Variants in PYROXD1 observed in about 807,000 individuals in gnomAD.
The protein encoded by PYROXD1 is pyridine nucleotide-disulphide oxidoreductase domain 1.
A neutral mutation model predicts 62.0 loss-of-function variants in PYROXD1; 42 were observed. The observed-to-expected ratio is 0.68, with a 90% confidence interval of 0.53 to 0.88. The LOEUF is 0.88. Ranked by LOEUF, PYROXD1 falls within the 40% of genes least tolerant of loss-of-function variation. The probability of loss-of-function intolerance (pLI) is 0.00; values close to 1 mark genes in which losing one functional copy is unlikely to be tolerated. For synonymous variants in PYROXD1, 170 were observed against 206.4 expected (o/e 0.82, Z 1.51); for missense variants, 493 against 604.8 (o/e 0.82, Z 1.94).
chr12:21,464,076 C>G (rs1412834295), intron 10 of PYROXD1, among the ~76,000 whole-genome samples: 1 of 151,714 alleles, frequency 6.6e-6, no homozygotes, highest in African/African-American at 2.4e-5. Context: ...TTCTAACCTG[C>G]CTCATTCTAT....
chr12:21,463,517 C>G (rs1434531530), intron 10 of PYROXD1, among the ~76,000 whole-genome samples: 1 of 151,796 alleles, frequency 6.6e-6, no homozygotes, highest in Non-Finnish European at 1.5e-5. Flanking sequence ...ATGATGAAAC[C>G]CCGTCTTTAC....
chr12:21,441,901 G>T (rs10770810), intron 2 of PYROXD1, among the ~76,000 whole-genome samples: 55,220 of 152,228 alleles, frequency 0.36, 11,449 homozygotes, highest in South Asian at 0.53. Context: ...CCTATGGGGA[G>T]GGCTGCTTGC....
In PYROXD1 at chr12:21,467,371, AC is replaced by A. The variant is rs2137292098; in HGVS notation, c.1117-109del. The A allele has an allele frequency of 3.0e-6, 3 of 987,262 alleles. No homozygotes were observed. The East Asian group carries it at 8.1e-5, about 27-fold the overall frequency. 61.2% of individuals were successfully genotyped at this position (987,262 alleles called of 1,614,324 possible). ...GGTGACTGCTTCTGTGGCAAAGATG[AC>A]AGAAAGACTGTCAAACATTGAACTC... On this transcript the variant is annotated intron_variant, in intron 10 of 11. Coordinates refer to ENST00000240651, the MANE Select transcript of PYROXD1 (RefSeq NM_024854.5).
chr12:21,440,784 A>C (rs1026722774), intron 2 of PYROXD1, among the ~76,000 whole-genome samples: 3 of 152,126 alleles, frequency 2.0e-5, no homozygotes, highest in Admixed American at 6.5e-5. Flanking sequence ...TCCATTCAAT[A>C]TATTATTAGC....
At position 21,470,288 on chromosome 12, in the gene PYROXD1, T is replaced by G; in HGVS notation, c.*1534T>G. The G allele has an allele frequency of 6.2e-7, 1 of 1,609,304 alleles. No individual in the cohort carries two copies. Among genetic ancestry groups the G allele is most frequent in the Non-Finnish European group, 8.5e-7 (1 of 1,178,074 alleles). On this transcript the variant is annotated 3_prime_UTR_variant, in exon 12 of 12. Coordinates refer to ENST00000240651, the MANE Select transcript of PYROXD1 (RefSeq NM_024854.5). ...AGCCTTCTTCTGGAAGTTGCCTGAA[T>G]TTTTTTCCTCCATCTTTTTATCACC...
intron 2 of PYROXD1, among the ~76,000 whole-genome samples, chr12:21,443,198 A>G (rs1348629982): frequency 6.6e-6 from 1 of 152,188 alleles, no homozygotes; most frequent in Non-Finnish European, 1.5e-5. Context: ...CCAGAATGAT[A>G]CTAAATTTTT....
chr12:21,464,627 A>G (rs1447864050), intron 10 of PYROXD1, among the ~76,000 whole-genome samples: 1 of 152,118 alleles, frequency 6.6e-6, no homozygotes, highest in Non-Finnish European at 1.5e-5. Context: ...AGGTAGTGTT[A>G]TGTTTACGTT....
chr12:21,440,021 G>A (rs931670875), intron 1 of PYROXD1, among the ~76,000 whole-genome samples: 1 of 152,078 alleles, frequency 6.6e-6, no homozygotes. Flanking sequence ...TGGTTTAACT[G>A]GTAATTAGGA....
Position 21,461,076 on chromosome 12 carries a change from C to T in PYROXD1, c.802C>T (p.Leu268Phe), listed in dbSNP as rs1942689335. 2 of 1,577,400 alleles carry T rather than the reference C, an allele frequency of 1.3e-6. No individual in the cohort carries two copies. Among genetic ancestry groups the T allele is most frequent in the African/African-American group, 1.4e-5 (1 of 73,688 alleles). ...ETMCEVKKIY[L>F]QDEFRILKKK... ...TATGTGTGAAGTAAAGAAAATCTAC[C>T]TTCAGGATGAGTTTAGAATTTTGAA... Residue 268 changes from leucine to phenylalanine, a missense_variant, in exon 8 of 12, where the codon CTT becomes TTT. Leu to Phe is a conservative substitution (Grantham distance 22, BLOSUM62 0). Transcript: ENST00000240651.
intron 4 of PYROXD1, among the ~76,000 whole-genome samples, chr12:21,451,235 T>TA (rs1241094994): frequency 1.3e-5 from 2 of 151,550 alleles, no homozygotes; most frequent in Non-Finnish European, 2.9e-5. Flanking sequence ...CTCTCTTTTT[T>TA]TTTTAATATA....
intron 7 of PYROXD1, among the ~76,000 whole-genome samples, chr12:21,459,845 G>C (rs1344523396): frequency 6.6e-6 from 1 of 152,182 alleles, no homozygotes; most frequent in Non-Finnish European, 1.5e-5. Flanking sequence ...TCAGATCAGG[G>C]ATAGAGCTTT....
chr12:21,461,149 A>C lies in PYROXD1; in HGVS notation c.875A>C (p.Asp292Ala), dbSNP rs144078157. ...FPRDHKSVTA[D>A]TEMWPVYVEL... The stretch of plus-strand genomic sequence containing the variant: ...AGAGACCATAAGTCAGTTACAGCTG[A>C]TACAGGCAAGTAATGAAATAAGAAA... The change falls in exon 8 of 12, where the codon GAT becomes GCT. Residue 292 changes from aspartate to alanine, a missense_variant. This residue lies in a region of PYROXD1 where 329 missense variants were observed against 446.6 expected (regional missense o/e 0.74). Transcript: ENST00000240651. 1 of 1,522,236 alleles carries C rather than the reference A, an allele frequency of 6.6e-7. No individual in the cohort carries two copies. The highest frequency in any genetic ancestry group is 1.4e-5 in the African/African-American group (1 of 71,350). 94.3% of individuals were successfully genotyped at this position (1,522,236 alleles called of 1,614,324 possible).
In PYROXD1 at chr12:21,461,152, C is replaced by A. The variant is rs1188680687; in HGVS notation, c.878C>A (p.Thr293Lys). 2 of 1,517,162 alleles carry A rather than the reference C, an allele frequency of 1.3e-6. No homozygotes were observed. The highest frequency in any genetic ancestry group is 2.2e-5 in the Admixed American group (1 of 46,314). 94.0% of individuals were successfully genotyped at this position (1,517,162 alleles called of 1,614,324 possible). The change falls in exon 8 of 12, where the codon ACA becomes AAA. Residue 293 changes from threonine to lysine, a missense_variant and splice_region_variant. By Grantham distance (78) the Thr-to-Lys change is moderately conservative. Coordinates refer to ENST00000240651, the MANE Select transcript of PYROXD1 (RefSeq NM_024854.5). ...PRDHKSVTADTEMWPVYVELT... is the reference protein window; with the variant it reads ...PRDHKSVTADKEMWPVYVELT... ...GACCATAAGTCAGTTACAGCTGATA[C>A]AGGCAAGTAATGAAATAAGAAAAAA...
intron 10 of PYROXD1, 25 bp downstream of exon 10, chr12:21,462,887 G>A: frequency 1.9e-6 from 3 of 1,588,360 alleles, no homozygotes; most frequent in Non-Finnish European, 1.7e-6. Context: ...ATAATTATAT[G>A]TTTTCATCAG....
intron 11 of PYROXD1, 94 bp downstream of exon 11, chr12:21,467,712 T>C: frequency 2.1e-6 from 2 of 972,828 alleles, no homozygotes; most frequent in Non-Finnish European, 3.1e-6. Flanking sequence ...AAAACGTACA[T>C]AGTTTTAATC....
intron 10 of PYROXD1, among the ~76,000 whole-genome samples, chr12:21,463,386 G>A (rs1041668321): frequency 1.3e-5 from 2 of 151,986 alleles, no homozygotes; most frequent in African/African-American, 4.8e-5. Context: ...CTGTCCCTGT[G>A]GTAATCATTA....
At chr12:21,450,771 C>T (rs2137259415) in intron 4 of PYROXD1, among the ~76,000 whole-genome samples, 1 of 152,248 alleles carries the variant, frequency 6.6e-6, no homozygotes, top group East Asian at 1.9e-4. Context: ...TTCTTATAAA[C>T]AATTTAAGTT....
intron 7 of PYROXD1, among the ~76,000 whole-genome samples, chr12:21,456,322 A>G (rs1413740267): frequency 6.6e-6 from 1 of 152,126 alleles, no homozygotes; most frequent in African/African-American, 2.4e-5. Context: ...TTAACTCTTG[A>G]GGTGTGATAC....
At chr12:21,453,470 C>T (rs1330882133) in intron 5 of PYROXD1, among the ~76,000 whole-genome samples, 1 of 151,356 alleles carries the variant, frequency 6.6e-6, no homozygotes, top group East Asian at 1.9e-4. Flanking sequence ...TACTAATGTT[C>T]TTCATTATAC....
Sources: allele counts gnomAD v4.1 joint callset (sites outside exome capture counted in the v4.1 genomes callset), GRCh38; gene constraint gnomAD v4.1.1; regional missense constraint gnomAD v4.1.1; transcripts MANE v1.5; gene names NCBI Gene and HGNC (gene_info 2026-07-23, HGNC 2026-07-21).